Variants in SGK3 observed in about 807,000 individuals in gnomAD.
SGK3 encodes serum/glucocorticoid regulated kinase family member 3.
SGK3 carries 47 observed loss-of-function variants against 68.5 expected under a neutral mutation model. That is an observed-to-expected ratio of 0.69 (90% CI 0.54 to 0.87). SGK3 has a LOEUF of 0.87. SGK3 is among the 40% of genes least tolerant of loss of function. SGK3 has a pLI of 0.00. For missense variants in SGK3, 479 were observed against 575.5 expected (o/e 0.83, Z 1.72); for synonymous variants, 181 against 189.1 (o/e 0.96, Z 0.35).
intron 4 of SGK3, 21 bp downstream of exon 4, chr8:66,804,468 C>T: frequency 6.2e-7 from 1 of 1,605,288 alleles, no homozygotes; most frequent in South Asian, 1.1e-5. Context: ...ACTTCATAGG[C>T]CAGCTATGAA....
At chr8:66,755,533 T>C (rs1255319743) in intron 1 of SGK3, among the ~76,000 whole-genome samples, 1 of 152,222 alleles carries the variant, frequency 6.6e-6, no homozygotes, top group Non-Finnish European at 1.5e-5. Flanking sequence ...ATGCTTAGCC[T>C]GTACACCTCT....
intron 7 of SGK3, among the ~76,000 whole-genome samples, chr8:66,830,062 G>A (rs549350315): frequency 9.9e-5 from 15 of 152,014 alleles, no homozygotes; most frequent in Non-Finnish European, 2.2e-4. Context: ...ACCATGTTGG[G>A]CAGGCTGGTC....
intron 16 of SGK3, among the ~76,000 whole-genome samples, chr8:66,856,939 A>G (rs550643528): frequency 3.7e-4 from 57 of 152,274 alleles, no homozygotes; most frequent in Non-Finnish European, 6.6e-4. Flanking sequence ...CTAGAAATAC[A>G]AAAATTAGCT....
At chr8:66,719,732 G>C (rs1804744787) in intron 1 of SGK3, among the ~76,000 whole-genome samples, 1 of 152,036 alleles carries the variant, frequency 6.6e-6, no homozygotes, top group East Asian at 1.9e-4. Flanking sequence ...TGTTATTTCT[G>C]TTGCTGACAT....
At chr8:66,819,248 C>T (rs1808714634) in intron 5 of SGK3, among the ~76,000 whole-genome samples, 1 of 152,144 alleles carries the variant, frequency 6.6e-6, no homozygotes, top group African/African-American at 2.4e-5. Context: ...GCCTGAGAGT[C>T]TTCAGGATGT....
At chr8:66,833,444 G>A (rs1047925910) in intron 8 of SGK3, among the ~76,000 whole-genome samples, 53 of 152,148 alleles carry the variant, frequency 3.5e-4, no homozygotes, top group Admixed American at 2.0e-4. Context: ...ACAGAATTAA[G>A]TCCTCCCTTC....
intron 1 of SGK3, among the ~76,000 whole-genome samples, chr8:66,723,123 ATATATATATTTTTT>A (rs1229508844): frequency 1.4e-3 from 71 of 51,398 alleles, no homozygotes; most frequent in African/African-American, 6.4e-3. Context: ...ATATATATAT[ATATATATATTTTTT>A]TTTTTTTTTT....
intron 1 of SGK3, among the ~76,000 whole-genome samples, chr8:66,726,000 T>C (rs1368379332): frequency 5.3e-5 from 8 of 151,858 alleles, no homozygotes; most frequent in Admixed American, 1.3e-4. Flanking sequence ...TAAGATGATA[T>C]GAGTTTGGTG....
intron 1 of SGK3, among the ~76,000 whole-genome samples, chr8:66,749,096 T>C (rs1442116825): frequency 6.6e-6 from 1 of 152,126 alleles, no homozygotes; most frequent in East Asian, 1.9e-4. Context: ...TGAATGCTTA[T>C]GAGAGAAAAT....
At chr8:66,766,566 A>G (rs939793474) in intron 1 of SGK3, among the ~76,000 whole-genome samples, 2 of 152,158 alleles carry the variant, frequency 1.3e-5, no homozygotes, top group Non-Finnish European at 2.9e-5. Flanking sequence ...AAGATGGTTA[A>G]TAGTGTTGTT....
At position 66,860,986 on chromosome 8, in the gene SGK3, G is replaced by A. The variant is rs535453520; in HGVS notation, c.*1405G>A. The A allele has an allele frequency of 6.6e-6, 1 of 152,238 alleles. No homozygotes were observed. The highest frequency in any genetic ancestry group is 6.5e-5 in the Admixed American group (1 of 15,278). 9.4% of individuals were successfully genotyped at this position (152,238 alleles called of 1,614,324 possible). ...AAAAATACAAAAATTAGCCAGACATGGTGGCACATGCCTTTAGTCCCAGCT... is the reference window on the plus strand; with the variant it reads ...AAAAATACAAAAATTAGCCAGACATAGTGGCACATGCCTTTAGTCCCAGCT... On this transcript the variant is annotated 3_prime_UTR_variant, in exon 17 of 17. Transcript: ENST00000521198.
At chr8:66,793,237 T>C (rs770419700) in intron 1 of SGK3, among the ~76,000 whole-genome samples, 2 of 152,186 alleles carry the variant, frequency 1.3e-5, no homozygotes, top group African/African-American at 2.4e-5. Context: ...AATGAGTAAA[T>C]AGTTATGTAC....
intron 1 of SGK3, among the ~76,000 whole-genome samples, chr8:66,735,658 C>T (rs1347692631): frequency 6.6e-6 from 1 of 152,126 alleles, no homozygotes; most frequent in African/African-American, 2.4e-5. Flanking sequence ...GATGAAAAAG[C>T]AAGAAGCACT....
At chr8:66,798,929 C>A (rs1048671954) in intron 3 of SGK3, among the ~76,000 whole-genome samples, 3 of 152,158 alleles carry the variant, frequency 2.0e-5, no homozygotes, top group Non-Finnish European at 4.4e-5. Flanking sequence ...AATTGTTAAT[C>A]ATCATGGTAT....
chr8:66,778,547 G>A (rs1410433859), intron 1 of SGK3, among the ~76,000 whole-genome samples: 2 of 152,134 alleles, frequency 1.3e-5, no homozygotes, highest in Non-Finnish European at 2.9e-5. Context: ...CGCCCGCCTC[G>A]GCCTCCCCAA....
At position 66,733,885 on chromosome 8, in the gene SGK3, G is replaced by A. The variant is rs115859710; in HGVS notation, c.-122+21052G>A. Among the ~76,000 whole-genome samples the A allele has an allele frequency of 1.2e-3, 180 of 152,282 alleles. 2 individuals carry two copies. The highest frequency in any genetic ancestry group is 4.0e-3 in the African/African-American group (166 of 41,568). The stretch of plus-strand genomic sequence containing the variant: ...TTTGAAAACAAAGGGTTTCTTTGCA[G>A]TGTCATTTAGCTTGGCATTGCTATG... On this transcript the variant is annotated intron_variant, in intron 1 of 16. Transcript: ENST00000521198.
At chr8:66,748,630 G>C (rs567757059) in intron 1 of SGK3, among the ~76,000 whole-genome samples, 1 of 152,256 alleles carries the variant, frequency 6.6e-6, no homozygotes, top group South Asian at 2.1e-4. Context: ...CACAGGACCA[G>C]GCCAGCAGTG....
chr8:66,750,277 G>A (rs1805774823), intron 1 of SGK3, among the ~76,000 whole-genome samples: 1 of 152,020 alleles, frequency 6.6e-6, no homozygotes, highest in Non-Finnish European at 1.5e-5. Flanking sequence ...CTGATATAAT[G>A]CCTTCCTTTC....
intron 10 of SGK3, among the ~76,000 whole-genome samples, chr8:66,839,537 A>ATATG (rs1809698531): frequency 6.6e-5 from 5 of 76,070 alleles, no homozygotes; most frequent in South Asian, 7.9e-4. Context: ...ATATATATAT[A>ATATG]TATATATATA....
Sources: gnomAD v4.1 joint callset for allele counts (sites outside exome capture counted in the v4.1 genomes callset) on GRCh38, gnomAD v4.1.1 for gene constraint, MANE v1.5 for transcripts, NCBI Gene and HGNC (gene_info 2026-07-23, HGNC 2026-07-21) for gene names.